Variants in SPOCK3 observed in about 807,000 individuals in gnomAD.
SPOCK3 encodes testican-3.
A neutral mutation model predicts 56.6 loss-of-function variants in SPOCK3; 30 were observed. The ratio of observed to expected loss-of-function variants is 0.53; its 90% confidence interval spans 0.40 to 0.72. The LOEUF is 0.72. Ranked by LOEUF, SPOCK3 falls within the 30% of genes least tolerant of loss-of-function variation. SPOCK3 has a pLI of 0.00. For synonymous variants in SPOCK3, 196 were observed against 183.3 expected, an observed-to-expected ratio of 1.07 and a Z score of -0.56; for missense variants, 527 against 530.0, an observed-to-expected ratio of 0.99 and a Z score of 0.06.
chr4:166,889,787 T>C (rs1050938757), intron 5 of SPOCK3, among the ~76,000 whole-genome samples: 1 of 151,994 alleles, frequency 6.6e-6, no homozygotes, highest in Non-Finnish European at 1.5e-5. Flanking sequence ...TAAATTGATG[T>C]GTTCATTAAA....
At chr4:166,999,130 T>C (rs1748694582) in intron 4 of SPOCK3, among the ~76,000 whole-genome samples, 1 of 152,178 alleles carries the variant, frequency 6.6e-6, no homozygotes, top group African/African-American at 2.4e-5. Context: ...TTTTGTTCTT[T>C]ATATCACCAA....
intron 2 of SPOCK3, among the ~76,000 whole-genome samples, chr4:167,203,692 G>T (rs1561318822): frequency 6.6e-6 from 1 of 151,944 alleles, no homozygotes; most frequent in Non-Finnish European, 1.5e-5. Flanking sequence ...AACTATGAAT[G>T]ACAATCTTGC....
intron 5 of SPOCK3, among the ~76,000 whole-genome samples, chr4:166,896,195 T>C (rs1263252393): frequency 6.6e-6 from 1 of 152,178 alleles, no homozygotes; most frequent in Non-Finnish European, 1.5e-5. Flanking sequence ...TACACACTTC[T>C]GTCTATTGCT....
chr4:166,870,002 C>G (rs1166785414), intron 6 of SPOCK3, among the ~76,000 whole-genome samples: 2 of 152,000 alleles, frequency 1.3e-5, no homozygotes, highest in African/African-American at 4.8e-5. Flanking sequence ...TCTAGGAACC[C>G]TACGATGTCC....
intron 2 of SPOCK3, among the ~76,000 whole-genome samples, chr4:167,203,548 T>C (rs1453932001): frequency 7.0e-6 from 1 of 143,532 alleles, no homozygotes; most frequent in Non-Finnish European, 1.5e-5. Flanking sequence ...AAGATATTTC[T>C]ATCTGATTAA....
intron 2 of SPOCK3, among the ~76,000 whole-genome samples, chr4:167,126,316 G>A (rs1444427680): frequency 6.6e-6 from 1 of 152,166 alleles, no homozygotes; most frequent in Non-Finnish European, 1.5e-5. Context: ...GGGAGGCCAA[G>A]GTGGGTGGAT....
chr4:166,868,885 A>C (rs969750181), intron 6 of SPOCK3, among the ~76,000 whole-genome samples: 1 of 152,094 alleles, frequency 6.6e-6, no homozygotes. Flanking sequence ...TTTCTATGCT[A>C]TGATGTACTA....
intron 6 of SPOCK3, among the ~76,000 whole-genome samples, chr4:166,805,512 T>C (rs537029466): frequency 1.7e-4 from 26 of 152,188 alleles, no homozygotes; most frequent in African/African-American, 5.8e-4. Flanking sequence ...TTTTATCTGA[T>C]AGACTGGCAG....
intron 2 of SPOCK3, among the ~76,000 whole-genome samples, chr4:167,065,985 T>C (rs1031093593): frequency 2.6e-5 from 4 of 151,922 alleles, no homozygotes; most frequent in Non-Finnish European, 5.9e-5. Context: ...CAAAAACTTA[T>C]GGAGTGAGTT....
At chr4:167,049,067 G>C (rs1204563240) in intron 3 of SPOCK3, among the ~76,000 whole-genome samples, 1 of 151,642 alleles carries the variant, frequency 6.6e-6, no homozygotes, top group Non-Finnish European at 1.5e-5. Flanking sequence ...TAGAAGCACA[G>C]CATATTCCAA....
chr4:167,202,838 G>C (rs1022095147), intron 2 of SPOCK3, among the ~76,000 whole-genome samples: 4 of 151,248 alleles, frequency 2.6e-5, no homozygotes, highest in African/African-American at 9.7e-5. Context: ...GCAATATTAA[G>C]ATGTAGATAA....
chr4:167,069,597 T>C (rs760157929), intron 2 of SPOCK3, among the ~76,000 whole-genome samples: 1 of 150,570 alleles, frequency 6.6e-6, no homozygotes, highest in Non-Finnish European at 1.5e-5. Flanking sequence ...ATGGTTAAGA[T>C]GAAATAAAAT....
At chr4:167,058,031 T>G (rs1755104894) in intron 3 of SPOCK3, among the ~76,000 whole-genome samples, 1 of 152,156 alleles carries the variant, frequency 6.6e-6, no homozygotes, top group Admixed American at 6.5e-5. Context: ...GACCACATAC[T>G]TTGAAGTAAA....
chr4:166,933,533 A>G (rs1740034149), intron 4 of SPOCK3, among the ~76,000 whole-genome samples: 1 of 152,164 alleles, frequency 6.6e-6, no homozygotes, highest in Admixed American at 6.5e-5. Context: ...CTTTCCAAAT[A>G]GGAAATTTAT....
chr4:166,796,797 A>G (rs2126672743), intron 6 of SPOCK3, among the ~76,000 whole-genome samples: 1 of 152,330 alleles, frequency 6.6e-6, no homozygotes. Flanking sequence ...ATGTTTAGGA[A>G]TTTTGATGGT....
At chr4:166,848,022 C>T (rs574892347) in intron 6 of SPOCK3, among the ~76,000 whole-genome samples, 1 of 152,130 alleles carries the variant, frequency 6.6e-6, no homozygotes, top group Non-Finnish European at 1.5e-5. Context: ...ATCAAGTTTC[C>T]TACAAATTAC....
chr4:167,194,370 A>G (rs1444836561), intron 2 of SPOCK3, among the ~76,000 whole-genome samples: 1 of 152,144 alleles, frequency 6.6e-6, no homozygotes, highest in Non-Finnish European at 1.5e-5. Context: ...CATTGAGATG[A>G]AAGATTCTTT....
At chr4:166,802,092 TAG>T (rs1424982749) in intron 6 of SPOCK3, among the ~76,000 whole-genome samples, 1 of 151,790 alleles carries the variant, frequency 6.6e-6, no homozygotes, top group Non-Finnish European at 1.5e-5. Context: ...TGTCTTGAGG[TAG>T]ACAATACATG....
chr4:167,163,735 T>C (rs1236676894), intron 2 of SPOCK3, among the ~76,000 whole-genome samples: 1 of 152,074 alleles, frequency 6.6e-6, no homozygotes, highest in Non-Finnish European at 1.5e-5. Flanking sequence ...GTCCTCCAGT[T>C]TCATTCAGAA....
Sources: gnomAD v4.1 joint callset for allele counts (sites outside exome capture counted in the v4.1 genomes callset) on GRCh38, gnomAD v4.1.1 for gene constraint, MANE v1.5 for transcripts, NCBI Gene and HGNC (gene_info 2026-07-23, HGNC 2026-07-21) for gene names.